The following HPSE2 variants were observed in gnomAD, a reference collection of about 807,000 sequenced individuals.
HPSE2 encodes heparanase 2 (inactive).
In HPSE2, 38 loss-of-function variants were observed where a neutral mutation model predicts 60.5. The ratio of observed to expected loss-of-function variants is 0.63; its 90% CI spans 0.48 to 0.82. HPSE2 has a LOEUF of 0.82. Among genes scored for constraint, HPSE2 ranks in the 40% least tolerant of loss-of-function variants. The pLI, the probability that HPSE2 is intolerant of heterozygous loss-of-function variation, is 0.00. For synonymous variants in HPSE2, 295 were observed against 293.2 expected (o/e 1.01, Z -0.06); for missense variants, 713 against 740.4 (o/e 0.96, Z 0.43).
At chr10:98,799,127 C>T (rs1201582974) in intron 3 of HPSE2, among the ~76,000 whole-genome samples, 1 of 151,938 alleles carries the variant, frequency 6.6e-6, no homozygotes, top group Non-Finnish European at 1.5e-5. Flanking sequence ...CAAAAAACAG[C>T]AGGAGAGTCA....
At chr10:99,008,805 A>T (rs183490966) in intron 3 of HPSE2, among the ~76,000 whole-genome samples, 5 of 152,322 alleles carry the variant, frequency 3.3e-5, no homozygotes, top group African/African-American at 1.2e-4. Context: ...TGAAATGTAT[A>T]TAGGGACTAA....
Position 98,584,634 on chromosome 10 carries a change from C to T in HPSE2, c.1320+30270G>A, listed in dbSNP as rs541363470. ...AATACTAAACCATTATATCATAATC[C>T]TTAGCTAATCTTAACTAAGACCCAG... On this transcript the variant is annotated intron_variant, in intron 9 of 11. Coordinates refer to ENST00000370552, the MANE Select transcript of HPSE2 (RefSeq NM_021828.5). Among the ~76,000 whole-genome samples the T allele has an allele frequency of 4.6e-5, 7 of 152,272 alleles. No individual in the cohort carries two copies. The South Asian group carries it at 1.5e-3, about 32-fold the overall frequency.
intron 2 of HPSE2, among the ~76,000 whole-genome samples, chr10:99,146,256 T>C (rs1012267103): frequency 6.6e-6 from 1 of 152,242 alleles, no homozygotes; most frequent in Non-Finnish European, 1.5e-5. Context: ...CAGACATTGT[T>C]GACTGGCTGA....
At chr10:99,291,975 C>A in the HPSE2 span, among the ~76,000 whole-genome samples, 4 of 152,068 alleles carry the variant, frequency 2.6e-5, no homozygotes, top group Non-Finnish European at 1.5e-5. Flanking sequence ...TTCTTCCATT[C>A]AGTTTTTGGC....
At chr10:99,241,335 T>A in the HPSE2 span, among the ~76,000 whole-genome samples, 4 of 152,350 alleles carry the variant, frequency 2.6e-5, no homozygotes, top group African/African-American at 9.6e-5. Context: ...CCAGATCTAG[T>A]CTTGTAAACT....
At chr10:99,138,430 A>G (rs1845742361) in intron 3 of HPSE2, among the ~76,000 whole-genome samples, 1 of 152,182 alleles carries the variant, frequency 6.6e-6, no homozygotes, top group South Asian at 2.1e-4. Context: ...TACTATAAAG[A>G]CACATGCACA....
intron 6 of HPSE2, 53 bp downstream of exon 6, chr10:98,693,847 T>C: frequency 3.8e-6 from 5 of 1,317,356 alleles, no homozygotes; most frequent in Non-Finnish European, 5.5e-6. Flanking sequence ...ACTAATTATC[T>C]TTCATTTCAC....
At chr10:98,945,686 G>A (rs952639478) in intron 3 of HPSE2, among the ~76,000 whole-genome samples, 1 of 152,124 alleles carries the variant, frequency 6.6e-6, no homozygotes, top group South Asian at 2.1e-4. Flanking sequence ...ATGCAAAAGT[G>A]CATTAAGTAA....
intron 6 of HPSE2, among the ~76,000 whole-genome samples, chr10:98,676,072 T>C (rs1477330647): frequency 1.3e-5 from 2 of 151,964 alleles, no homozygotes; most frequent in Admixed American, 6.6e-5. Flanking sequence ...CTAAACCCTT[T>C]GAAGGGTAGA....
intron 3 of HPSE2, among the ~76,000 whole-genome samples, chr10:98,811,604 T>C (rs558064087): frequency 6.4e-4 from 97 of 152,276 alleles, no homozygotes; most frequent in African/African-American, 2.2e-3. Context: ...GCTTGCTGAA[T>C]GTTAGACTTT....
At chr10:98,502,840 T>A (rs1184782822) in intron 9 of HPSE2, among the ~76,000 whole-genome samples, 2 of 151,714 alleles carry the variant, frequency 1.3e-5, no homozygotes, top group Non-Finnish European at 2.9e-5. Flanking sequence ...AAACAAACAA[T>A]CCATCAAAAA....
intron 11 of HPSE2, among the ~76,000 whole-genome samples, chr10:98,474,520 G>A (rs1940916700): frequency 6.6e-6 from 1 of 152,176 alleles, no homozygotes; most frequent in Non-Finnish European, 1.5e-5. Flanking sequence ...AACATCAAAT[G>A]ACACCTCTCT....
intron 9 of HPSE2, among the ~76,000 whole-genome samples, chr10:98,505,820 G>A (rs538758367): frequency 9.9e-5 from 15 of 152,076 alleles, no homozygotes; most frequent in Non-Finnish European, 1.5e-4. Context: ...CCCGTGTCCT[G>A]TATTAAACTC....
At chr10:99,176,288 A>G (rs1005945046) in intron 2 of HPSE2, among the ~76,000 whole-genome samples, 10 of 152,190 alleles carry the variant, frequency 6.6e-5, no homozygotes, top group African/African-American at 2.2e-4. Context: ...AACTGACAGA[A>G]GTAAGCTTCA....
intron 3 of HPSE2, among the ~76,000 whole-genome samples, chr10:99,133,102 C>T (rs1845510026): frequency 6.6e-6 from 1 of 152,200 alleles, no homozygotes; most frequent in South Asian, 2.1e-4. Flanking sequence ...CGGTTTTATG[C>T]TCACAATGTA....
the HPSE2 span, among the ~76,000 whole-genome samples, chr10:99,305,947 C>G: frequency 1.3e-5 from 1 of 79,964 alleles, no homozygotes; most frequent in Non-Finnish European, 2.4e-5. Flanking sequence ...TAGAAAATAT[C>G]CAAACTCACA....
intron 3 of HPSE2, among the ~76,000 whole-genome samples, chr10:99,101,720 C>A (rs1800044904): frequency 6.6e-6 from 1 of 152,188 alleles, no homozygotes; most frequent in African/African-American, 2.4e-5. Flanking sequence ...CCAAAACTGA[C>A]CACATAGTTG....
At chr10:98,934,652 A>G (rs1265034197) in intron 3 of HPSE2, among the ~76,000 whole-genome samples, 2 of 144,030 alleles carry the variant, frequency 1.4e-5, no homozygotes, top group Non-Finnish European at 3.0e-5. Context: ...GTCCACTGTT[A>G]GTGTCATGGG....
the HPSE2 span, among the ~76,000 whole-genome samples, chr10:99,284,652 T>C: frequency 3.3e-5 from 5 of 152,046 alleles, no homozygotes; most frequent in African/African-American, 1.2e-4. Context: ...AAAGAAAAAA[T>C]AGGTAAATGG....
Sources: gnomAD v4.1 joint callset for allele counts (sites outside exome capture counted in the v4.1 genomes callset) on GRCh38, gnomAD v4.1.1 for gene constraint, MANE v1.5 for transcripts, NCBI Gene and HGNC (gene_info 2026-07-23, HGNC 2026-07-21) for gene names.